Variants in GK observed in about 807,000 individuals in gnomAD.
The protein encoded by GK is ATP:glycerol 3-phosphotransferase.
Under a neutral mutation model 56.4 loss-of-function variants are expected in GK, and 9 were observed. That is an observed-to-expected ratio of 0.16 (90% CI 0.10 to 0.28). The LOEUF is 0.28. Among genes scored for constraint, GK ranks in the 10% least tolerant of loss-of-function variants. GK has a pLI of 1.00. For missense variants in GK, 161 were observed against 431.4 expected (o/e 0.37, Z 5.55); for synonymous variants, 104 against 144.1 (o/e 0.72, Z 1.99).
intron 13 of GK, among the ~76,000 whole-genome samples, chrX:30,712,556 CT>C (rs199710389): frequency 0.012 from 1,224 of 103,381 alleles, 11 homozygotes; most frequent in African/African-American, 0.034. Flanking sequence ...TTTCAGTTCT[CT>C]TTTTTTTTTA....
intron 2 of GK, among the ~76,000 whole-genome samples, chrX:30,666,081 GA>G (rs1228227293): frequency 1.8e-5 from 2 of 111,747 alleles, no homozygotes; most frequent in African/African-American, 6.5e-5. Context: ...TAACCACTTT[GA>G]AAAACTGTGT....
chrX:30,710,136 G>A (rs189427919), intron 13 of GK, among the ~76,000 whole-genome samples: 3 of 111,849 alleles, frequency 2.7e-5, no homozygotes, highest in East Asian at 2.8e-4. Flanking sequence ...TGAGGAAACC[G>A]AGATTAGAAA....
At chrX:30,687,451 A>G (rs1006013397) in intron 4 of GK, 9 of 333,915 alleles carry the variant, frequency 2.7e-5, no homozygotes, top group African/African-American at 1.9e-4. Context: ...CAAGTGATCT[A>G]CCATTTCCTA....
intron 14 of GK, 129 bp from the exon 15 acceptor site, chrX:30,719,290 A>G: frequency 2.1e-6 from 1 of 483,111 alleles, no homozygotes. Flanking sequence ...AGTTAGCAAC[A>G]TTTTGCTCTA....
chrX:30,722,118 G>A (rs1259620428), intron 18 of GK, among the ~76,000 whole-genome samples: 2 of 111,560 alleles, frequency 1.8e-5, no homozygotes, highest in Non-Finnish European at 3.8e-5. Context: ...TTGAGGTATT[G>A]GGAATAAGCT....
intron 8 of GK, 21 bp downstream of exon 8, chrX:30,696,704 C>CA (rs1935257378): frequency 1.8e-6 from 2 of 1,093,894 alleles, no homozygotes; most frequent in Non-Finnish European, 2.5e-6. Flanking sequence ...AACAAACAAA[C>CA]AAAAAACACA....
In GK at chrX:30,685,055, A is replaced by G. The variant is rs181151186; in HGVS notation, c.338-6068A>G. On this transcript the variant is annotated intron_variant, in intron 4 of 20. Transcript: ENST00000427190. ...CTTATGTTTCAAAGAATCAGCAGAA[A>G]AGAAAACCATAGATGACAAACCACC... Among the ~76,000 whole-genome samples the G allele has an allele frequency of 3.5e-5, 4 of 112,829 alleles. No homozygotes were observed. The Admixed American group carries it at 3.7e-4, about 11-fold the overall frequency.
chrX:30,694,658 A>C, intron 6 of GK, 121 bp downstream of exon 6: 1 of 582,685 alleles, frequency 1.7e-6, no homozygotes, highest in Non-Finnish European at 2.8e-6. Context: ...AAGAAAAACC[A>C]CTCAAAAAGC....
chrX:30,667,598 ATC>A (rs1221548855), intron 2 of GK, among the ~76,000 whole-genome samples: 3 of 112,507 alleles, frequency 2.7e-5, no homozygotes, highest in Non-Finnish European at 5.6e-5. Flanking sequence ...TCCCAAATAT[ATC>A]ATTCTCAATA....
At chrX:30,671,557 A>G (rs938873033) in intron 3 of GK, 16 of 111,789 alleles carry the variant, frequency 1.4e-4, no homozygotes, top group African/African-American at 3.3e-4. Flanking sequence ...GAGTGATATC[A>G]TTTATAGTCC....
chrX:30,710,542 A>G (rs943820879), intron 13 of GK, among the ~76,000 whole-genome samples: 6 of 112,065 alleles, frequency 5.4e-5, no homozygotes, highest in African/African-American at 1.9e-4. Context: ...ATCAGTAAAC[A>G]CATGCTAATT....
At chrX:30,707,976 A>T in intron 12 of GK, 78 bp from the exon 13 acceptor site, 1 of 589,993 alleles carries the variant, frequency 1.7e-6, no homozygotes, top group Non-Finnish European at 2.9e-6. Context: ...TACCTATGTT[A>T]TTTTAACTTT....
At chrX:30,702,144 G>A (rs1444735691) in intron 11 of GK, among the ~76,000 whole-genome samples, 4 of 110,429 alleles carry the variant, frequency 3.6e-5, no homozygotes, top group South Asian at 3.8e-4. Context: ...CCAAGTTCAA[G>A]CTATTCTCCT....
At chrX:30,697,928 T>G (rs924976685) in intron 9 of GK, among the ~76,000 whole-genome samples, 179 bp downstream of exon 9, 2 of 111,861 alleles carry the variant, frequency 1.8e-5, no homozygotes, top group Non-Finnish European at 3.8e-5. Flanking sequence ...CTTAATCTTG[T>G]TTGTTTTTAA....
chrX:30,683,316 A>C, intron 4 of GK, among the ~76,000 whole-genome samples: 1 of 111,247 alleles, frequency 9.0e-6, no homozygotes, highest in Non-Finnish European at 1.9e-5. Flanking sequence ...TCGGCCTCCC[A>C]AAGTGCTGGG....
chrX:30,692,605 A>G (rs1935012244), intron 5 of GK, among the ~76,000 whole-genome samples: 2 of 108,512 alleles, frequency 1.8e-5, no homozygotes, highest in Middle Eastern at 9.3e-3. Flanking sequence ...CAGCCTCCCC[A>G]GTGGCTGAGA....
intron 3 of GK, among the ~76,000 whole-genome samples, chrX:30,676,423 C>T (rs1933907598): frequency 1.8e-5 from 2 of 112,184 alleles, no homozygotes; most frequent in South Asian, 7.4e-4. Flanking sequence ...AAGATTTGAG[C>T]TTGAGAAGTA....
intron 6 of GK, chrX:30,695,278 G>A: frequency 2.7e-6 from 1 of 375,965 alleles, no homozygotes; most frequent in Non-Finnish European, 3.8e-6. Context: ...TGCTTGGCCA[G>A]GGCAGAATGT....
At chrX:30,666,982 G>A (rs993217516) in intron 2 of GK, among the ~76,000 whole-genome samples, 2 of 110,278 alleles carry the variant, frequency 1.8e-5, no homozygotes, top group East Asian at 5.7e-4. Flanking sequence ...GTGAAACCTC[G>A]TCTCTACTAA....
Sources: allele counts gnomAD v4.1 joint callset (sites outside exome capture counted in the v4.1 genomes callset), GRCh38; gene constraint gnomAD v4.1.1; transcripts MANE v1.5; gene names NCBI Gene and HGNC (gene_info 2026-07-23, HGNC 2026-07-21).